KLK7: variants seen among roughly 807,000 people sequenced by gnomAD.
The protein encoded by KLK7 is kallikrein related peptidase 7, also known as kallikrein-7.
KLK7 carries 17 observed loss-of-function variants against 21.0 expected under a neutral mutation model. The observed-to-expected ratio is 0.81, with a 90% CI of 0.55 to 1.21. The LOEUF (loss-of-function observed/expected upper bound fraction) is 1.21, where lower values mean the gene tolerates loss of function less well. KLK7 is among the 50% of genes most tolerant of loss of function. KLK7 has a pLI of 0.00. For synonymous variants in KLK7, 151 were observed against 134.6 expected, an observed-to-expected ratio of 1.12 and a Z score of -0.85; for missense variants, 330 against 322.8, an observed-to-expected ratio of 1.02 and a Z score of -0.17.
chr19:50,977,622 A>G lies in KLK7; in HGVS notation c.676T>C (p.Cys226Arg). Residue 226 changes from cysteine to arginine, a missense_variant, in exon 6 of 6, where the codon TGC (cysteine) becomes CGC (arginine). Physicochemically the swap from Cys to Arg is radical, Grantham distance 180 (BLOSUM62 -3). Coordinates refer to ENST00000595820, the MANE Select transcript of KLK7 (RefSeq NM_005046.4). ...ACTCCTGGGTCATTGGGTTGGCCGC[A>G]AGGGAAAGTTCCCCAGGACACCAGA... ...QGLVSWGTFPCGQPNDPGVYT... is the reference protein window; with the variant it reads ...QGLVSWGTFPRGQPNDPGVYT... The G allele has an allele frequency of 6.2e-7, 1 of 1,613,850 alleles. No homozygotes were observed.
chr19:50,977,178 AT>A lies in KLK7; in HGVS notation c.*357del. 4.9e-5 allele frequency: 9 copies of A among 185,474 alleles called. No homozygotes were observed. The highest frequency in any genetic ancestry group is 1.3e-4 in the East Asian group (1 of 7,490). 11.5% of individuals were successfully genotyped at this position (185,474 alleles called of 1,614,324 possible). A position where few individuals can be genotyped will look rare whatever the true frequency, so the allele number is the denominator to read the frequency against. On this transcript the variant is annotated 3_prime_UTR_variant, in exon 6 of 6. Transcript: ENST00000595820. ...ATTCAAGTCTTGTTCTACATTTTGG[AT>A]TTTTTTTGTTTCAGTAGGTTCTTCC...
intron 3 of KLK7, 44 bp from the exon 4 acceptor site, chr19:50,980,531 A>G: frequency 1.9e-6 from 3 of 1,609,128 alleles, no homozygotes; most frequent in Non-Finnish European, 2.5e-6. Context: ...ACACTGTGAC[A>G]GAGAGGGTGT....
In KLK7 at chr19:50,982,460, GAGA is replaced by G. The variant is rs2091097160; in HGVS notation, c.-58-6_-58-4del. ...AGGAAGGGCCTCTCCTGCTGGAGCTGAGAAGGAGAAAGCATTCAGGCCCAGCCC... is the reference window on the plus strand; with the variant it reads ...AGGAAGGGCCTCTCCTGCTGGAGCTGAGGAGAAAGCATTCAGGCCCAGCCC... On this transcript the variant is annotated splice_region_variant and splice_polypyrimidine_tract_variant and intron_variant, in intron 1 of 5. Transcript: ENST00000595820. 1.3e-6 allele frequency: 2 copies of G among 1,556,780 alleles called. No individual in the cohort carries two copies. The highest frequency in any genetic ancestry group is 1.7e-6 in the Non-Finnish European group (2 of 1,151,646).
chr19:50,983,078 T>C (rs1378997971), intron 1 of KLK7, among the ~76,000 whole-genome samples: 1 of 57,506 alleles, frequency 1.7e-5, no homozygotes, highest in Non-Finnish European at 3.5e-5. Flanking sequence ...CAGCCCCTCC[T>C]CCCTCAGACC....
At chr19:50,981,683 T>A (rs72483935) in intron 3 of KLK7, 84 bp downstream of exon 3, 3 of 1,294,732 alleles carry the variant, frequency 2.3e-6, no homozygotes, top group Non-Finnish European at 3.2e-6. Flanking sequence ...AATAGAGCCG[T>A]AGGCACAGAA....
intron 4 of KLK7, 28 bp downstream of exon 4, chr19:50,980,212 G>A (rs1207741552): frequency 4.4e-6 from 7 of 1,608,884 alleles, no homozygotes; most frequent in East Asian, 2.2e-5. Flanking sequence ...GCTGGGGCCT[G>A]CACTCCTGGG....
chr19:50,982,074 G>T, intron 2 of KLK7, 160 bp from the exon 3 acceptor site: 1 of 890,700 alleles, frequency 1.1e-6, no homozygotes, highest in Non-Finnish European at 1.7e-6. Flanking sequence ...GACAGAAGGA[G>T]CCCACTCAGA....
intron 5 of KLK7, among the ~76,000 whole-genome samples, 197 bp downstream of exon 5, chr19:50,979,591 C>T (rs112611592): frequency 2.0e-5 from 3 of 152,286 alleles, no homozygotes; most frequent in African/African-American, 7.2e-5. Context: ...CTGTCTCATC[C>T]CCAGGGCCAC....
intron 1 of KLK7, 122 bp from the exon 2 acceptor site, chr19:50,982,579 G>GA: frequency 5.6e-6 from 1 of 178,204 alleles, no homozygotes; most frequent in African/African-American, 3.8e-5. Flanking sequence ...TCAGACCCAG[G>GA]GGTCCAGGCC....
In KLK7 at chr19:50,979,777, G is replaced by A. The variant is rs1396094401; in HGVS notation, c.606+11C>T. On this transcript the variant is annotated intron_variant, in intron 5 of 5. Transcript: ENST00000595820. ...CCAGGACTGGGGAGGAATTGGGGGG[G>A]AGGGTCTCACATTGCAGGCGTTTTT... is the stretch of plus-strand genomic sequence containing the variant. 7.7e-6 allele frequency: 12 copies of A among 1,563,930 alleles called. No individual in the cohort carries two copies. The African/African-American group carries it at 1.2e-4, about 16-fold the overall frequency.
At position 50,981,747 on chromosome 19, in the gene KLK7, G is replaced by A; in HGVS notation, c.221+20C>T. ...TGGAGACGCTGGTGCACCTCCAGCA[G>A]AGACTTGGGCGGCACCTACTTCATC... On this transcript the variant is annotated intron_variant, in intron 3 of 5. Coordinates refer to ENST00000595820, the MANE Select transcript of KLK7 (RefSeq NM_005046.4). The A allele has an allele frequency of 6.4e-7, 1 of 1,551,766 alleles. No individual in the cohort carries two copies. Among genetic ancestry groups the A allele is most frequent in the Non-Finnish European group, 8.7e-7 (1 of 1,147,492 alleles).
In KLK7 at chr19:50,979,855, T is replaced by C; in HGVS notation, c.539A>G (p.Tyr180Cys). Residue 180 changes from tyrosine (Y) to cysteine (C), a missense_variant, in exon 5 of 6, where the codon TAC (tyrosine) becomes TGC (cysteine). Transcript: ENST00000595820. Reference sequence around the variant, plus strand: ...CATGGAATTTTCCAGTAAGTCCTTGTAAACCTTCGTGCAGTCCTGGGGGGA... The same window carrying C: ...CATGGAATTTTCCAGTAAGTCCTTGCAAACCTTCGTGCAGTCCTGGGGGGA... ...LISPQDCTKV[Y>C]KDLLENSMLC... 1 of 1,585,452 alleles carries C rather than the reference T, an allele frequency of 6.3e-7. No individual in the cohort carries two copies. The highest frequency in any genetic ancestry group is 8.6e-7 in the Non-Finnish European group (1 of 1,165,352).
In KLK7 at chr19:50,976,534, G is replaced by A. The variant is rs1310444142; in HGVS notation, c.*1002C>T. 6.6e-6 allele frequency: 1 copy of A among 152,176 alleles called. No individual in the cohort carries two copies. Among genetic ancestry groups the A allele is most frequent in the African/African-American group, 2.4e-5 (1 of 41,442 alleles). 9.4% of individuals were successfully genotyped at this position (152,176 alleles called of 1,614,324 possible). A position where few individuals can be genotyped will look rare whatever the true frequency, so the allele number is the denominator to read the frequency against. On this transcript the variant is annotated 3_prime_UTR_variant, in exon 6 of 6. Transcript: ENST00000595820. The stretch of plus-strand genomic sequence containing the variant: ...TATAAAAGTGCACATTCAAGGAAAA[G>A]TACACAGAAGGAAGGAGACACCTCA...
Position 50,981,814 on chromosome 19 carries a change from G to T in KLK7, c.174C>A (p.Val58=), listed in dbSNP as rs1321494883. The T allele has an allele frequency of 1.2e-6, 2 of 1,600,092 alleles. No individual in the cohort carries two copies. The highest frequency in any genetic ancestry group is 1.7e-6 in the Non-Finnish European group (2 of 1,174,720). Reference sequence around the variant, plus strand: ...TGAGCACCCAGCGCTCATTGACCAGGACGCCTCCGCAGTGGAGCTGATTGC... The same window carrying T: ...TGAGCACCCAGCGCTCATTGACCAGTACGCCTCCGCAGTGGAGCTGATTGC... ...LSGNQLHCGG[V]LVNERWVLTA... is the part of the protein sequence containing the mutation. Residue 58 remains valine (V), a synonymous_variant, in exon 3 of 6, where the codon GTC becomes GTA. Transcript: ENST00000595820.
At chr19:50,978,065 A>G (rs982865749) in intron 5 of KLK7, among the ~76,000 whole-genome samples, 4 of 152,218 alleles carry the variant, frequency 2.6e-5, no homozygotes, top group African/African-American at 7.2e-5. Flanking sequence ...GGTCTCGGAG[A>G]CCAGGGTGAA....
At chr19:50,979,959 G>T in intron 4 of KLK7, 35 bp from the exon 5 acceptor site, 1 of 1,577,282 alleles carries the variant, frequency 6.3e-7, no homozygotes, top group East Asian at 2.3e-5. Context: ...GTCAGTCAGA[G>T]AGGATGGGGG....
rs143034119 is a variant in KLK7 at position 50,980,448 on chromosome 19, G to C, written c.261C>G (p.Asp87Glu). The C allele has an allele frequency of 7.7e-5, 125 of 1,613,908 alleles. 1 individual carries two copies. Among genetic ancestry groups the C allele is most frequent in the Non-Finnish European group, 1.0e-4 (119 of 1,179,966 alleles). ...AGGCCTTGATCCTCTGAGCTCTCCTGTCGCCCAGCGTATCACTGCCCAGGT... is the reference window on the plus strand; with the variant it reads ...AGGCCTTGATCCTCTGAGCTCTCCTCTCGCCCAGCGTATCACTGCCCAGGT... ...TVHLGSDTLG[D>E]RRAQRIKASK... Residue 87 changes from aspartate to glutamate, a missense_variant, in exon 4 of 6, where the codon GAC (aspartate) becomes GAG (glutamate). Physicochemically the swap from Asp to Glu is conservative, Grantham distance 45. Coordinates refer to ENST00000595820, the MANE Select transcript of KLK7 (RefSeq NM_005046.4).
chr19:50,981,742 C>G (rs1359487031), intron 3 of KLK7, 25 bp downstream of exon 3: 2 of 1,547,404 alleles, frequency 1.3e-6, no homozygotes, highest in Non-Finnish European at 1.7e-6. Context: ...GGTGCACCTC[C>G]AGCAGAGACT....
intron 3 of KLK7, among the ~76,000 whole-genome samples, chr19:50,981,502 T>G (rs1425627271): frequency 1.5e-5 from 1 of 67,094 alleles, no homozygotes; most frequent in Non-Finnish European, 2.8e-5. Flanking sequence ...AACAGAGACC[T>G]AGAGAGAATG....
Sources: gnomAD v4.1 joint callset for allele counts (sites outside exome capture counted in the v4.1 genomes callset) on GRCh38, gnomAD v4.1.1 for gene constraint, MANE v1.5 for transcripts, NCBI Gene and HGNC (gene_info 2026-07-23, HGNC 2026-07-21) for gene names.